COQ8B: variants seen among roughly 807,000 people sequenced by gnomAD.
COQ8B encodes the protein coenzyme Q8B.
A neutral mutation model predicts 62.0 loss-of-function variants in COQ8B; 44 were observed. The observed-to-expected ratio is 0.71, with a 90% CI of 0.56 to 0.91. COQ8B has a LOEUF of 0.91. Ranked by LOEUF, COQ8B falls within the 40% of genes least tolerant of loss-of-function variation. COQ8B has a pLI of 0.00. For synonymous variants in COQ8B, 252 were observed against 289.9 expected (o/e 0.87, Z 1.33); for missense variants, 649 against 731.6 (o/e 0.89, Z 1.30).
rs1190762042 is a variant in COQ8B, at chr19:40,702,692, G to C, written c.801C>G (p.Gly267=). ...CCTGCAGGCTCTGCTCGGCAAACAGGCCTGTGGGGGAGGTGTGTCAGCCAG... is the reference window on the plus strand; with the variant it reads ...CCTGCAGGCTCTGCTCGGCAAACAGCCCTGTGGGGGAGGTGTGTCAGCCAG... ...VLKMSAALPA[G]LFAEQSLQAL... Residue 267 remains glycine, a splice_region_variant and synonymous_variant, in exon 10 of 15, where the codon GGC becomes GGG. Transcript: ENST00000324464. The C allele has an allele frequency of 6.2e-7, 1 of 1,607,280 alleles. No homozygotes were observed. The highest frequency in any genetic ancestry group is 2.2e-5 in the East Asian group (1 of 44,874).
At chr19:40,710,849 C>T (rs752621146) in intron 4 of COQ8B, among the ~76,000 whole-genome samples, 20 of 152,114 alleles carry the variant, frequency 1.3e-4, no homozygotes, top group Non-Finnish European at 1.5e-4. Context: ...GAAGGCCCCT[C>T]GGCCGGGCAC....
chr19:40,710,209 A>G, intron 4 of COQ8B, 73 bp from the exon 5 acceptor site: 1 of 1,370,470 alleles, frequency 7.3e-7, no homozygotes, highest in Non-Finnish European at 1.0e-6. Flanking sequence ...CTCCTTTCTC[A>G]GTTTTTCTCC....
intron 14 of COQ8B, 56 bp downstream of exon 14, chr19:40,692,895 C>T (rs1454227052): frequency 1.3e-6 from 2 of 1,518,160 alleles, no homozygotes; most frequent in Non-Finnish European, 1.8e-6. Flanking sequence ...ATAAGCAGCC[C>T]CCCACTGCAC....
Position 40,695,701 on chromosome 19 carries a change from C to G in COQ8B, c.1209+288G>C, listed in dbSNP as rs146103260. Among the ~76,000 whole-genome samples, 13 of 152,238 alleles carry G rather than the reference C, an allele frequency of 8.5e-5. No homozygotes were observed. The East Asian group carries it at 2.5e-3, about 29-fold the overall frequency. ...CCCAAGTCTGCTGTGATCTTGGGCA[C>G]GTGACTTAACCCCTCCAGGACCCAG... is the stretch of plus-strand genomic sequence containing the variant. On this transcript the variant is annotated intron_variant, in intron 13 of 14. Transcript: ENST00000324464.
chr19:40,715,798 G>A (rs535919659), intron 1 of COQ8B: 20 of 183,594 alleles, frequency 1.1e-4, no homozygotes, highest in South Asian at 1.9e-4. Context: ...GCTGAGTCAG[G>A]AACCTTGGCA....
chr19:40,705,659 G>A (rs531294253), intron 5 of COQ8B, among the ~76,000 whole-genome samples: 73 of 152,252 alleles, frequency 4.8e-4, no homozygotes, highest in African/African-American at 1.5e-3. Context: ...AACGAAATAC[G>A]GAGGCCAGGC....
At chr19:40,710,175 G>T (rs1352882017) in intron 4 of COQ8B, 39 bp from the exon 5 acceptor site, 1 of 1,596,088 alleles carries the variant, frequency 6.3e-7, no homozygotes, top group African/African-American at 1.3e-5. Flanking sequence ...CCGTTTGCCT[G>T]GGGTGCCCCC....
chr19:40,699,405 C>T (rs994583220), intron 12 of COQ8B, among the ~76,000 whole-genome samples: 1 of 152,058 alleles, frequency 6.6e-6, no homozygotes, highest in Non-Finnish European at 1.5e-5. Flanking sequence ...TCCCCCATCC[C>T]GGTCCTGACC....
intron 13 of COQ8B, 67 bp from the exon 14 acceptor site, chr19:40,693,104 C>G: frequency 2.1e-6 from 3 of 1,403,486 alleles, no homozygotes; most frequent in Non-Finnish European, 3.0e-6. Flanking sequence ...AGAAGAGGAG[C>G]TGGAAGCCTG....
At chr19:40,708,131 A>G (rs1260367101) in intron 5 of COQ8B, 1 of 152,044 alleles carries the variant, frequency 6.6e-6, no homozygotes, top group Non-Finnish European at 1.5e-5. Context: ...TCTCATTCCA[A>G]TTTTTATTTA....
Position 40,696,035 on chromosome 19 carries a change from C to G in COQ8B, c.1163G>C (p.Gly388Ala), listed in dbSNP as rs754444229. 6.2e-6 allele frequency: 10 copies of G among 1,613,966 alleles called. No homozygotes were observed. The highest frequency in any genetic ancestry group is 1.7e-5 in the Admixed American group (1 of 59,988). Residue 388 changes from glycine to alanine, a missense_variant, in exon 13 of 15, where the codon GGT (glycine) becomes GCT (alanine). By Grantham distance (60) the Gly-to-Ala change is moderately conservative. Coordinates refer to ENST00000324464, the MANE Select transcript of COQ8B (RefSeq NM_024876.4). Reference protein sequence around the residue: ...SSHQVTLLDFGASREFGTEFT... With the variant: ...SSHQVTLLDFAASREFGTEFT... The stretch of plus-strand genomic sequence containing the variant: ...CTCTGTCCCAAACTCCCGGCTTGCA[C>G]CAAAGTCCAGCAGGGTCACCTGGAA...
intron 9 of COQ8B, among the ~76,000 whole-genome samples, chr19:40,702,907 T>C (rs1048626570): frequency 4.6e-5 from 7 of 151,752 alleles, no homozygotes; most frequent in Non-Finnish European, 7.4e-5. Flanking sequence ...CCGCTGCCCC[T>C]TGCAGCTCCT....
chr19:40,697,875 G>GAGAC (rs58313890), intron 12 of COQ8B, among the ~76,000 whole-genome samples: 6 of 103,474 alleles, frequency 5.8e-5, no homozygotes, highest in South Asian at 3.3e-4. Context: ...GAGAGAGAGA[G>GAGAC]AGTTTCTACT....
At chr19:40,714,843 C>G (rs2082172740) in intron 1 of COQ8B, 1 of 1,347,158 alleles carries the variant, frequency 7.4e-7, no homozygotes, top group Non-Finnish European at 9.5e-7. Flanking sequence ...CACTTTCCCC[C>G]CTCTCCCAAC....
In COQ8B at chr19:40,693,048, G is replaced by C. The variant is rs375418160; in HGVS notation, c.1210-11C>G. ...TGCAGCCTTCACCACCTGGGGAGAC[G>C]GGTGGGAGTTAGAGGGACAAAGGCC... On this transcript the variant is annotated splice_polypyrimidine_tract_variant and intron_variant, in intron 13 of 14. Transcript: ENST00000324464. The C allele has an allele frequency of 4.3e-6, 7 of 1,612,166 alleles. No individual in the cohort carries two copies. The highest frequency in any genetic ancestry group is 5.9e-6 in the Non-Finnish European group (7 of 1,178,532).
chr19:40,712,692 C>T (rs914174798), intron 4 of COQ8B, among the ~76,000 whole-genome samples: 2 of 152,196 alleles, frequency 1.3e-5, no homozygotes, highest in African/African-American at 4.8e-5. Context: ...ACAAGACTTT[C>T]CCTTGCTCTA....
At position 40,703,901 on chromosome 19, in the gene COQ8B, C is replaced by T. The variant is rs1392279136; in HGVS notation, c.577-46G>A. Reference sequence around the variant, plus strand: ...CATCATCATTGTGGCAGAGTTCATTCCCCAGGCTGAGTGCTTTACGTGTTG... The same window carrying T: ...CATCATCATTGTGGCAGAGTTCATTTCCCAGGCTGAGTGCTTTACGTGTTG... On this transcript the variant is annotated intron_variant, in intron 7 of 14. Transcript: ENST00000324464. 4.5e-6 allele frequency: 7 copies of T among 1,568,974 alleles called. No homozygotes were observed. The South Asian group carries it at 8.2e-5, about 18-fold the overall frequency.
Position 40,692,193 on chromosome 19 carries a change from C to A in COQ8B, c.1477G>T (p.Ala493Ser). The A allele has an allele frequency of 6.3e-7, 1 of 1,597,614 alleles. No homozygotes were observed. Among genetic ancestry groups the A allele is most frequent in the Non-Finnish European group, 8.5e-7 (1 of 1,172,170 alleles). The change falls in exon 15 of 15, where the codon GCA becomes TCA. Residue 493 changes from alanine to serine, a missense_variant. Transcript: ENST00000324464. The stretch of plus-strand genomic sequence containing the variant: ...TGGGCACAGGCCAGGAAAGCCCCTG[C>A]CAGCTTGCGGTGCAGGGCATAGGTC... ...EETYALHRKL[A>S]GAFLACAHLR...
rs1006139869 is a variant in COQ8B, at chr19:40,691,725, C to G, written c.*310G>C. ...CTTGAGGCAGAGGTGAGGGCTCCCC[C>G]TGATGAGTCTGATCTGCATAACGAC... On this transcript the variant is annotated 3_prime_UTR_variant, in exon 15 of 15. Coordinates refer to ENST00000324464, the MANE Select transcript of COQ8B (RefSeq NM_024876.4). The G allele has an allele frequency of 4.0e-6, 1 of 248,512 alleles. No individual in the cohort carries two copies. The highest frequency in any genetic ancestry group is 2.2e-5 in the African/African-American group (1 of 45,144). 15.4% of individuals were successfully genotyped at this position (248,512 alleles called of 1,614,324 possible). A position where few individuals can be genotyped will look rare whatever the true frequency, so the allele number is the denominator to read the frequency against.
Sources: allele counts gnomAD v4.1 joint callset (sites outside exome capture counted in the v4.1 genomes callset), GRCh38; gene constraint gnomAD v4.1.1; transcripts MANE v1.5; gene names NCBI Gene and HGNC (gene_info 2026-07-23, HGNC 2026-07-21).